Variants in CDC42SE2 observed in about 807,000 individuals in gnomAD.
CDC42SE2 encodes the protein CDC42 small effector 2.
A neutral mutation model predicts 11.5 loss-of-function variants in CDC42SE2; 3 were observed. The observed-to-expected ratio is 0.26, with a 90% CI of 0.12 to 0.67. The LOEUF (loss-of-function observed/expected upper bound fraction) is 0.67. Among genes scored for constraint, CDC42SE2 ranks in the 30% least tolerant of loss-of-function variants. CDC42SE2 has a pLI of 0.80. For missense variants in CDC42SE2, 82 were observed against 106.8 expected (o/e 0.77, Z 1.02); for synonymous variants, 33 against 34.8 (o/e 0.95, Z 0.18).
chr5:131,350,615 G>GTA, intron 2 of CDC42SE2, among the ~76,000 whole-genome samples: 1 of 133,220 alleles, frequency 7.5e-6, no homozygotes, highest in South Asian at 2.2e-4. Context: ...TTTTGTGTGT[G>GTA]TGTGTGTGTG....
At position 131,300,473 on chromosome 5, in the gene CDC42SE2, T is replaced by C. The variant is rs143559350; in HGVS notation, c.-454-15503T>C. 3.2e-3 allele frequency among the ~76,000 whole-genome samples: 493 copies of C among 152,194 alleles called. 3 individuals carry two copies. The highest frequency in any genetic ancestry group is 0.011 in the African/African-American group (471 of 41,516). ...TCATCGAAACTGGAACATATCAAGA[T>C]AGAGAATGGCCATTAATAATTATGT... On this transcript the variant is annotated intron_variant, in intron 1 of 4. Coordinates refer to ENST00000505065, the MANE Select transcript of CDC42SE2 (RefSeq NM_001375635.1).
chr5:131,331,735 T>C (rs1561587165), intron 2 of CDC42SE2, among the ~76,000 whole-genome samples: 2 of 152,288 alleles, frequency 1.3e-5, no homozygotes, highest in South Asian at 4.1e-4. Context: ...TGTGTAGGTT[T>C]ATGGACCAGA....
the CDC42SE2 span, among the ~76,000 whole-genome samples, chr5:131,236,207 T>C: frequency 6.6e-6 from 1 of 152,188 alleles, no homozygotes; most frequent in Non-Finnish European, 1.5e-5. Flanking sequence ...AATTTTTGCA[T>C]AATTTGATGT....
chr5:131,386,433 G>C (rs1212250284), intron 4 of CDC42SE2, among the ~76,000 whole-genome samples: 1 of 152,200 alleles, frequency 6.6e-6, no homozygotes, highest in Non-Finnish European at 1.5e-5. Flanking sequence ...TTTACTCTAA[G>C]TTCTCATGCA....
At chr5:131,310,180 A>T (rs1382389785) in intron 1 of CDC42SE2, among the ~76,000 whole-genome samples, 1 of 151,710 alleles carries the variant, frequency 6.6e-6, no homozygotes, top group Non-Finnish European at 1.5e-5. Context: ...GAACATCTTT[A>T]TTTCTGCCTT....
At chr5:131,309,611 C>A (rs980512014) in intron 1 of CDC42SE2, among the ~76,000 whole-genome samples, 15 of 151,712 alleles carry the variant, frequency 9.9e-5, no homozygotes, top group African/African-American at 2.4e-4. Flanking sequence ...TTGATTATTG[C>A]CACAATTTCA....
intron 2 of CDC42SE2, among the ~76,000 whole-genome samples, chr5:131,325,815 T>TA (rs1758286783): frequency 6.6e-6 from 1 of 152,230 alleles, no homozygotes; most frequent in African/African-American, 2.4e-5. Flanking sequence ...CTCTTCCTAA[T>TA]ATGATAATCA....
chr5:131,358,984 G>A (rs1749632240), intron 2 of CDC42SE2, among the ~76,000 whole-genome samples: 1 of 152,098 alleles, frequency 6.6e-6, no homozygotes, highest in South Asian at 2.1e-4. Context: ...CATAAAATAG[G>A]ATGCCCCACG....
At chr5:131,330,264 G>A (rs1290964414) in intron 2 of CDC42SE2, among the ~76,000 whole-genome samples, 2 of 152,114 alleles carry the variant, frequency 1.3e-5, no homozygotes, top group Admixed American at 6.5e-5. Context: ...TTTTTATGAC[G>A]TTCTAAGATC....
At chr5:131,284,573 T>A (rs1216176699) in intron 1 of CDC42SE2, among the ~76,000 whole-genome samples, 1 of 152,118 alleles carries the variant, frequency 6.6e-6, no homozygotes, top group Non-Finnish European at 1.5e-5. Flanking sequence ...AGGGCTCAAG[T>A]AAGCCTCGCA....
At chr5:131,273,296 C>T (rs1344349348) in intron 1 of CDC42SE2, among the ~76,000 whole-genome samples, 5 of 149,324 alleles carry the variant, frequency 3.3e-5, no homozygotes, top group African/African-American at 9.7e-5. Flanking sequence ...CCTGGGACTA[C>T]AGGCGCCCAT....
At chr5:131,350,554 G>A (rs1279503027) in intron 2 of CDC42SE2, among the ~76,000 whole-genome samples, 5 of 151,432 alleles carry the variant, frequency 3.3e-5, no homozygotes, top group African/African-American at 2.4e-5. Context: ...AGGCTTTAAC[G>A]CCCTGATATG....
chr5:131,324,539 A>G (rs562286012), intron 2 of CDC42SE2, among the ~76,000 whole-genome samples: 1 of 152,342 alleles, frequency 6.6e-6, no homozygotes, highest in South Asian at 2.1e-4. Flanking sequence ...GCCTAGGAGA[A>G]AAGAATTGGG....
intron 1 of CDC42SE2, among the ~76,000 whole-genome samples, chr5:131,310,933 C>G (rs1208879305): frequency 1.3e-5 from 2 of 151,548 alleles, no homozygotes; most frequent in African/African-American, 4.9e-5. Flanking sequence ...AGCATTTAGT[C>G]CATTTACATT....
At chr5:131,335,342 T>C (rs1226093362) in intron 2 of CDC42SE2, among the ~76,000 whole-genome samples, 1 of 152,208 alleles carries the variant, frequency 6.6e-6, no homozygotes, top group South Asian at 2.1e-4. Flanking sequence ...CAGTTTGTTA[T>C]GATTTCTGTT....
At chr5:131,376,740 C>CA (rs1262736624) in intron 3 of CDC42SE2, among the ~76,000 whole-genome samples, 1 of 152,136 alleles carries the variant, frequency 6.6e-6, no homozygotes, top group East Asian at 1.9e-4. Flanking sequence ...CAAGTGAGAA[C>CA]ATGTGGTATT....
intron 1 of CDC42SE2, among the ~76,000 whole-genome samples, chr5:131,307,270 T>C (rs1298462782): frequency 2.2e-5 from 3 of 134,292 alleles, no homozygotes; most frequent in Non-Finnish European, 4.6e-5. Context: ...CCTGTGTCCA[T>C]GTGATCTCAT....
chr5:131,349,658 C>T (rs1022935053), intron 2 of CDC42SE2, among the ~76,000 whole-genome samples: 1 of 152,042 alleles, frequency 6.6e-6, no homozygotes, highest in Admixed American at 6.6e-5. Flanking sequence ...CCAAAGTAGG[C>T]AAAATCCATT....
At chr5:131,328,452 TC>T (rs1758342667) in intron 2 of CDC42SE2, among the ~76,000 whole-genome samples, 1 of 152,222 alleles carries the variant, frequency 6.6e-6, no homozygotes, top group Admixed American at 6.5e-5. Context: ...AGTTATTATT[TC>T]TTGAAATGTT....
Sources: allele counts gnomAD v4.1 joint callset (sites outside exome capture counted in the v4.1 genomes callset), GRCh38; gene constraint gnomAD v4.1.1; transcripts MANE v1.5; gene names NCBI Gene and HGNC (gene_info 2026-07-23, HGNC 2026-07-21).